Variants in DENND10 observed in about 807,000 individuals in gnomAD.
DENND10 encodes the protein DENN domain-containing protein 10.
DENND10 carries 24 observed loss-of-function variants against 43.6 expected under a neutral mutation model. The observed-to-expected ratio is 0.55, with a 90% confidence interval of 0.40 to 0.77. DENND10 has a LOEUF of 0.77. DENND10 is among the 30% of genes least tolerant of loss of function. The pLI is 0.00. For missense variants in DENND10, 303 were observed against 429.9 expected (o/e 0.70, Z 2.61); for synonymous variants, 125 against 157.6 (o/e 0.79, Z 1.55).
At position 119,137,551 on chromosome 10, in the gene DENND10, C is replaced by T. The variant is rs4751697; in HGVS notation, c.*904C>T. 101,526 of 164,902 alleles carry T rather than the reference C, an allele frequency of 0.62. 31,771 individuals carry two copies. Among genetic ancestry groups the T allele is most frequent in the Middle Eastern group, 0.7 (205 of 294 alleles). The allele number at this position is 164,902 out of a possible 1,614,324, so 10.2% of individuals were successfully genotyped here. A position where few individuals can be genotyped will look rare whatever the true frequency, so the allele number is the denominator to read the frequency against. On this transcript the variant is annotated 3_prime_UTR_variant, in exon 9 of 9. Transcript: ENST00000361432. ...CCACATGTCAAGCCAATTGTTTGTA[C>T]TATTTATGTACCTTTTTCATAACTG...
chr10:119,132,660 G>A lies in DENND10; in HGVS notation c.897+51G>A. 1 of 1,445,516 alleles carries A rather than the reference G, an allele frequency of 6.9e-7. No individual in the cohort carries two copies. The highest frequency in any genetic ancestry group is 1.1e-5 in the South Asian group (1 of 87,628). 89.5% of individuals were successfully genotyped at this position (1,445,516 alleles called of 1,614,324 possible). On this transcript the variant is annotated intron_variant, in intron 8 of 8. Transcript: ENST00000361432. This position sits in a 1 kb window ranked among gnomAD's most constrained non-coding sequence, Gnocchi z 4.2. Reference sequence around the variant, plus strand: ...TGAAAGTCCTGACCCGGTGTCGCTGGGTGGTGTGCGGCAGAGCTGTGCACA... The same window carrying A: ...TGAAAGTCCTGACCCGGTGTCGCTGAGTGGTGTGCGGCAGAGCTGTGCACA...
intron 3 of DENND10, among the ~76,000 whole-genome samples, chr10:119,115,533 G>A (rs1312737963): frequency 9.2e-6 from 1 of 108,688 alleles, no homozygotes; most frequent in Non-Finnish European, 2.0e-5. Context: ...GACGACAGGC[G>A]CCCGCCACTA....
At position 119,115,790 on chromosome 10, in the gene DENND10, A is replaced by G. The variant is rs1294395799; in HGVS notation, c.333-1729A>G. Reference sequence around the variant, plus strand: ...TTTTTTTTTTTTTTTTTGAGACGGAATCTCGCTCTGTTGCCCAGGCTGGAG... The same window carrying G: ...TTTTTTTTTTTTTTTTTGAGACGGAGTCTCGCTCTGTTGCCCAGGCTGGAG... On this transcript the variant is annotated intron_variant, in intron 3 of 8. Transcript: ENST00000361432. Among the ~76,000 whole-genome samples, 127 of 127,472 alleles carry G rather than the reference A, an allele frequency of 1.0e-3. No homozygotes were observed. In the Middle Eastern group the frequency reaches 0.015, roughly 15 times the overall value. The allele number at this position is 127,472 out of a possible 152,430, so 83.6% of individuals were successfully genotyped here. A position where few individuals can be genotyped will look rare whatever the true frequency, so the allele number is the denominator to read the frequency against.
intron 3 of DENND10, among the ~76,000 whole-genome samples, chr10:119,115,410 C>T (rs560530496): frequency 1.9e-4 from 5 of 25,844 alleles, no homozygotes; most frequent in East Asian, 1.3e-3. Context: ...TTTTTTGAGA[C>T]GGAGTCTCGC....
rs538690678 is a variant in DENND10 at position 119,130,952 on chromosome 10, A to C, written c.802+1330A>C. Among the ~76,000 whole-genome samples the C allele has an allele frequency of 7.9e-5, 12 of 152,354 alleles. No homozygotes were observed. The South Asian group carries it at 2.5e-3, about 32-fold the overall frequency. On this transcript the variant is annotated intron_variant, in intron 7 of 8. Coordinates refer to ENST00000361432, the MANE Select transcript of DENND10 (RefSeq NM_207009.4). ...TAGAAGCAAATCACTAAGTTTAGTC[A>C]ACACTTGAGAGAGGAATGTCTCCAC... is the stretch of plus-strand genomic sequence containing the variant.
At chr10:119,113,761 T>C (rs1845102724) in intron 3 of DENND10, among the ~76,000 whole-genome samples, 1 of 151,832 alleles carries the variant, frequency 6.6e-6, no homozygotes, top group African/African-American at 2.4e-5. Flanking sequence ...AGTTAGATTA[T>C]ATCTTGGCTA....
chr10:119,124,208 AT>A (rs1845718918), intron 6 of DENND10, among the ~76,000 whole-genome samples: 1 of 149,784 alleles, frequency 6.7e-6, no homozygotes, highest in Non-Finnish European at 1.5e-5. Context: ...AAAAAAAAAA[AT>A]TGTGGTAAAA....
In DENND10 at chr10:119,120,474, A is replaced by C. The variant is rs112756319; in HGVS notation, c.593+22A>C. On this transcript the variant is annotated intron_variant, in intron 5 of 8. Transcript: ENST00000361432. ...CCAGGTATCACCTCTAATTATAAAA[A>C]AGTGTTAACTTTGTTGGCAGACAGT... is the stretch of plus-strand genomic sequence containing the variant. 3,124 of 1,475,296 alleles carry C rather than the reference A, an allele frequency of 2.1e-3. 55 individuals carry two copies. The African/African-American group carries it at 0.037, about 18-fold the overall frequency. The allele number at this position is 1,475,296 out of a possible 1,614,324, so 91.4% of individuals were successfully genotyped here.
chr10:119,129,639 GT>G lies in DENND10; in HGVS notation c.802+19del. 1 of 1,539,232 alleles carries G rather than the reference GT, an allele frequency of 6.5e-7. No homozygotes were observed. The highest frequency in any genetic ancestry group is 9.0e-7 in the Non-Finnish European group (1 of 1,111,864). On this transcript the variant is annotated intron_variant, in intron 7 of 8. Transcript: ENST00000361432. The stretch of plus-strand genomic sequence containing the variant: ...TTGCAAAAGGTTTGTTCTCTGTTCT[GT>G]TCTTGATACAAGATATAAGCCAAAC...
At chr10:119,135,029 T>C (rs368972300) in intron 8 of DENND10, 1 of 150,616 alleles carries the variant, frequency 6.6e-6, no homozygotes, top group Non-Finnish European at 1.5e-5. Context: ...CCGGGTGTGG[T>C]GGTGGGCGCC....
At chr10:119,123,988 TC>T (rs1414189983) in intron 6 of DENND10, among the ~76,000 whole-genome samples, 2 of 151,060 alleles carry the variant, frequency 1.3e-5, no homozygotes, top group Non-Finnish European at 2.9e-5. Context: ...GGTCGGGAGT[TC>T]AAGACCAGCC....
intron 6 of DENND10, 80 bp downstream of exon 6, chr10:119,123,649 G>A (rs1311293724): frequency 2.7e-6 from 3 of 1,098,204 alleles, no homozygotes; most frequent in Middle Eastern, 2.0e-4. Flanking sequence ...CACTCTTGTT[G>A]CCCAGGATGG....
At chr10:119,122,189 C>T (rs1184883119) in intron 5 of DENND10, among the ~76,000 whole-genome samples, 3 of 152,150 alleles carry the variant, frequency 2.0e-5, no homozygotes, top group African/African-American at 7.2e-5. Flanking sequence ...GCACCCGTAG[C>T]CTGAGCTACA....
At chr10:119,113,636 G>C (rs1845090009) in intron 3 of DENND10, among the ~76,000 whole-genome samples, 1 of 151,238 alleles carries the variant, frequency 6.6e-6, no homozygotes. Context: ...CCTAATAAAT[G>C]GTAGGCTTTT....
At chr10:119,109,264 G>A (rs1844859486) in intron 2 of DENND10, among the ~76,000 whole-genome samples, 1 of 151,770 alleles carries the variant, frequency 6.6e-6, no homozygotes, top group South Asian at 2.1e-4. Context: ...GGCAGCTTGT[G>A]TATTAAGTAG....
At chr10:119,122,154 A>G (rs1419902637) in intron 5 of DENND10, among the ~76,000 whole-genome samples, 3 of 152,064 alleles carry the variant, frequency 2.0e-5, no homozygotes, top group African/African-American at 7.2e-5. Flanking sequence ...AAAAAAATAC[A>G]AAAATTAGCC....
intron 1 of DENND10, among the ~76,000 whole-genome samples, chr10:119,106,627 T>C (rs1005978988): frequency 3.9e-5 from 6 of 152,226 alleles, no homozygotes; most frequent in African/African-American, 1.4e-4. Context: ...CATGAGCCAT[T>C]ATGCTTGGCC....
chr10:119,104,597 G>A (rs1314029189), intron 1 of DENND10, among the ~76,000 whole-genome samples: 3 of 149,624 alleles, frequency 2.0e-5, no homozygotes, highest in African/African-American at 7.3e-5. Context: ...GCGGCGCGGC[G>A]CGGCGCGGCG....
chr10:119,119,370 G>A (rs1464991050), intron 4 of DENND10, among the ~76,000 whole-genome samples: 1 of 152,126 alleles, frequency 6.6e-6, no homozygotes. Context: ...TCGAACTCCT[G>A]ACCTCAGGTT....
Sources: gnomAD v4.1 joint callset for allele counts (sites outside exome capture counted in the v4.1 genomes callset) on GRCh38, gnomAD v4.1.1 for gene constraint, Gnocchi (gnomAD v3.1) non-coding constraint, MANE v1.5 for transcripts, NCBI Gene and HGNC (gene_info 2026-07-23, HGNC 2026-07-21) for gene names.